The following BARX2 variants were observed in gnomAD, a reference collection of about 807,000 sequenced individuals.
The protein encoded by BARX2 is homeobox protein BarH-like 2.
BARX2 carries 11 observed loss-of-function variants against 25.5 expected under a neutral mutation model. The observed-to-expected ratio is 0.43, with a 90% confidence interval of 0.27 to 0.71. BARX2 has a LOEUF of 0.71. Ranked by LOEUF, BARX2 falls within the 30% of genes least tolerant of loss-of-function variation. The probability of loss-of-function intolerance (pLI) is 0.19; values close to 1 mark genes in which losing one functional copy is unlikely to be tolerated. For synonymous variants in BARX2, 137 were observed against 149.5 expected (o/e 0.92, Z 0.61); for missense variants, 360 against 359.9 (o/e 1.00, Z 0.00).
intron 1 of BARX2, among the ~76,000 whole-genome samples, chr11:129,386,684 A>C (rs1407116621): frequency 6.6e-6 from 1 of 152,204 alleles, no homozygotes; most frequent in Non-Finnish European, 1.5e-5. Context: ...TCAGCCCAAC[A>C]CCAAAGACGT....
chr11:129,392,270 G>A (rs1469391052), intron 1 of BARX2, among the ~76,000 whole-genome samples: 5 of 152,318 alleles, frequency 3.3e-5, no homozygotes, highest in South Asian at 2.1e-4. Flanking sequence ...TGAGAGATGC[G>A]AAATTAACCT....
chr11:129,406,757 G>A (rs532103954), intron 1 of BARX2, among the ~76,000 whole-genome samples: 1 of 152,332 alleles, frequency 6.6e-6, no homozygotes, highest in Non-Finnish European at 1.5e-5. Context: ...TGGCAAACTA[G>A]GACATCGACC....
At chr11:129,385,845 C>T (rs1210066915) in intron 1 of BARX2, among the ~76,000 whole-genome samples, 1 of 152,212 alleles carries the variant, frequency 6.6e-6, no homozygotes, top group Non-Finnish European at 1.5e-5. Flanking sequence ...AGAGACCGCA[C>T]ATGTCCACAG....
chr11:129,414,877 A>G (rs1861928815), intron 1 of BARX2, among the ~76,000 whole-genome samples: 1 of 152,256 alleles, frequency 6.6e-6, no homozygotes, highest in Admixed American at 6.5e-5. Context: ...AAAGAGAACA[A>G]TAGTGCTGTC....
At chr11:129,441,714 T>C (rs1862262785) in intron 2 of BARX2, among the ~76,000 whole-genome samples, 1 of 152,160 alleles carries the variant, frequency 6.6e-6, no homozygotes, top group South Asian at 2.1e-4. Flanking sequence ...CCTCCCAAAG[T>C]GCTGGGATTA....
At chr11:129,423,975 G>A (rs770430889) in intron 1 of BARX2, among the ~76,000 whole-genome samples, 19 of 151,456 alleles carry the variant, frequency 1.3e-4, no homozygotes, top group South Asian at 2.1e-4. Flanking sequence ...TCAGCCTCCC[G>A]AGTAACTGGG....
At chr11:129,382,168 A>ATTTGTT (rs955259599) in intron 1 of BARX2, among the ~76,000 whole-genome samples, 2 of 152,058 alleles carry the variant, frequency 1.3e-5, no homozygotes, top group Admixed American at 1.3e-4. Context: ...AGGCCTCTTC[A>ATTTGTT]TTTGTTTTTG....
chr11:129,421,023 C>T (rs1429759791), intron 1 of BARX2, among the ~76,000 whole-genome samples: 3 of 152,120 alleles, frequency 2.0e-5, no homozygotes, highest in East Asian at 1.9e-4. Flanking sequence ...GCAAGTTTAA[C>T]GGGGTTGTCA....
At chr11:129,397,971 G>A (rs1861739092) in intron 1 of BARX2, among the ~76,000 whole-genome samples, 1 of 152,224 alleles carries the variant, frequency 6.6e-6, no homozygotes, top group African/African-American at 2.4e-5. Context: ...ATGACCTTCA[G>A]GGTAATTGTT....
intron 1 of BARX2, among the ~76,000 whole-genome samples, chr11:129,421,281 C>T (rs1862001645): frequency 6.6e-6 from 1 of 152,106 alleles, no homozygotes; most frequent in Non-Finnish European, 1.5e-5. Context: ...AAAATTTTCC[C>T]TCAACTGTTT....
At position 129,451,486 on chromosome 11, in the gene BARX2, A is replaced by C. The variant is rs1212548469; in HGVS notation, c.*84A>C. 5.4e-6 allele frequency: 8 copies of C among 1,490,926 alleles called. No homozygotes were observed. The East Asian group carries it at 1.8e-4, about 34-fold the overall frequency. The allele number at this position is 1,490,926 out of a possible 1,614,324, so 92.4% of individuals were successfully genotyped here. ...GGAGAGTAGGGAGAGAAAACCTTCC[A>C]GCAGCCCAGTAAACTGCGGGCGAAG... On this transcript the variant is annotated 3_prime_UTR_variant, in exon 4 of 4. Coordinates refer to ENST00000281437, the MANE Select transcript of BARX2 (RefSeq NM_003658.5).
At chr11:129,438,363 A>C (rs902982564) in intron 2 of BARX2, 1 of 149,998 alleles carries the variant, frequency 6.7e-6, no homozygotes, top group Admixed American at 6.6e-5. Flanking sequence ...TCAGTGTCTC[A>C]TCTTGTTCTT....
chr11:129,416,761 C>T (rs925790292), intron 1 of BARX2, among the ~76,000 whole-genome samples: 2 of 151,932 alleles, frequency 1.3e-5, no homozygotes, highest in Admixed American at 6.6e-5. Flanking sequence ...CAAATGTAAC[C>T]GACTGGATGG....
intron 1 of BARX2, among the ~76,000 whole-genome samples, chr11:129,408,047 AG>A (rs1861850696): frequency 4.1e-5 from 6 of 144,764 alleles, no homozygotes; most frequent in African/African-American, 1.5e-4. Context: ...AAAAAAAAAA[AG>A]TTGGAGCACA....
intron 1 of BARX2, among the ~76,000 whole-genome samples, chr11:129,426,024 G>A (rs1267656446): frequency 7.1e-6 from 1 of 139,972 alleles, no homozygotes; most frequent in African/African-American, 2.7e-5. Flanking sequence ...TTTTTTTAAT[G>A]AGGTAGTTAA....
intron 1 of BARX2, among the ~76,000 whole-genome samples, chr11:129,391,744 G>T (rs1006410231): frequency 2.0e-5 from 3 of 152,136 alleles, no homozygotes; most frequent in Non-Finnish European, 4.4e-5. Context: ...TGCACGGAGA[G>T]GGGGGTCAAA....
At chr11:129,398,057 G>A (rs537766893) in intron 1 of BARX2, among the ~76,000 whole-genome samples, 5 of 152,302 alleles carry the variant, frequency 3.3e-5, no homozygotes, top group South Asian at 2.1e-4. Context: ...CTGATAACAC[G>A]ATCTCAACTG....
At chr11:129,411,168 G>C (rs544518732) in intron 1 of BARX2, among the ~76,000 whole-genome samples, 8 of 152,016 alleles carry the variant, frequency 5.3e-5, no homozygotes, top group Non-Finnish European at 1.2e-4. Flanking sequence ...TCAAGAGTTC[G>C]AGACCATCCT....
chr11:129,406,945 T>C (rs1385309626), intron 1 of BARX2, among the ~76,000 whole-genome samples: 1 of 152,212 alleles, frequency 6.6e-6, no homozygotes, highest in Non-Finnish European at 1.5e-5. Flanking sequence ...CCCATGGAGT[T>C]GGAAGCACTT....
Sources: gnomAD v4.1 joint callset for allele counts (sites outside exome capture counted in the v4.1 genomes callset) on GRCh38, gnomAD v4.1.1 for gene constraint, MANE v1.5 for transcripts, NCBI Gene and HGNC (gene_info 2026-07-23, HGNC 2026-07-21) for gene names.